SLC10A4: variants seen among roughly 807,000 people sequenced by gnomAD.
SLC10A4 encodes putative sodium/bile acid cotransporter 4.
Under a neutral mutation model 22.5 loss-of-function variants are expected in SLC10A4, and 17 were observed. The observed-to-expected ratio is 0.76, with a 90% confidence interval of 0.52 to 1.14. SLC10A4 has a LOEUF of 1.14. SLC10A4 is among the 50% of genes most tolerant of loss of function. The pLI is 0.00. For synonymous variants in SLC10A4, 257 were observed against 258.2 expected, an observed-to-expected ratio of 1.00 and a Z score of 0.04; for missense variants, 548 against 584.0, an observed-to-expected ratio of 0.94 and a Z score of 0.64.
rs1014750380 is a variant in SLC10A4, at chr4:48,486,340, T to C, written c.801+1198T>C. 5.3e-5 allele frequency among the ~76,000 whole-genome samples: 8 copies of C among 152,018 alleles called. 3 individuals are homozygous for C. The highest frequency in any genetic ancestry group is 2.4e-5 in the African/African-American group (1 of 41,522). ...TATGCATATATTAATACCTGTAATA[T>C]ATACTCATAGATACTCTTGAGATGC... On this transcript the variant is annotated intron_variant, in intron 2 of 2. Coordinates refer to ENST00000273861, the MANE Select transcript of SLC10A4 (RefSeq NM_152679.4).
intron 1 of SLC10A4, 66 bp downstream of exon 1, chr4:48,484,217 A>T: frequency 7.0e-7 from 1 of 1,438,730 alleles, no homozygotes; most frequent in Non-Finnish European, 9.3e-7. Flanking sequence ...CCGTGGGCTC[A>T]CGACGAAGGA....
chr4:48,486,865 A>G (rs1223613738), intron 2 of SLC10A4, among the ~76,000 whole-genome samples: 1 of 152,188 alleles, frequency 6.6e-6, no homozygotes, highest in African/African-American at 2.4e-5. Context: ...TTATTGCAGC[A>G]TCCTCTAGGG....
Position 48,489,307 on chromosome 4 carries a change from T to C in SLC10A4, c.*368T>C, listed in dbSNP as rs1718345090. 1 of 168,160 alleles carries C rather than the reference T, an allele frequency of 5.9e-6. No homozygotes were observed. Among genetic ancestry groups the C allele is most frequent in the Non-Finnish European group, 1.3e-5 (1 of 78,808 alleles). The allele number at this position is 168,160 out of a possible 1,614,324, so 10.4% of individuals were successfully genotyped here. ...GCTATCTTTGTAAAGCATAATTGAGTTTAATGTAATTGTTGTAAAAAAAAA... is the reference window on the plus strand; with the variant it reads ...GCTATCTTTGTAAAGCATAATTGAGCTTAATGTAATTGTTGTAAAAAAAAA... On this transcript the variant is annotated 3_prime_UTR_variant, in exon 3 of 3. Transcript: ENST00000273861.
chr4:48,484,878 C>T lies in SLC10A4; in HGVS notation c.591-54C>T, dbSNP rs773506757. On this transcript the variant is annotated intron_variant, in intron 1 of 2. Coordinates refer to ENST00000273861, the MANE Select transcript of SLC10A4 (RefSeq NM_152679.4). ...ACTCAACATACAAGAAAAAGGTTAG[C>T]TGGCTGTTTGACTCAAAGCTCGTTC... The T allele has an allele frequency of 2.1e-4, 326 of 1,536,410 alleles. 1 individual carries two copies. The highest frequency in any genetic ancestry group is 1.1e-3 in the South Asian group (95 of 84,830).
intron 1 of SLC10A4, among the ~76,000 whole-genome samples, chr4:48,484,486 A>G (rs1577767354): frequency 1.3e-5 from 2 of 152,096 alleles, no homozygotes; most frequent in Admixed American, 6.5e-5. Context: ...GAGAAGGGGG[A>G]GTCTGAACTA....
chr4:48,487,839 C>T (rs1718308533), intron 2 of SLC10A4, among the ~76,000 whole-genome samples: 1 of 107,348 alleles, frequency 9.3e-6, no homozygotes, highest in Non-Finnish European at 1.7e-5. Context: ...GAGTGTTGCT[C>T]TGTCACCCAG....
In SLC10A4 at chr4:48,486,573, A is replaced by C. The variant is rs573579080; in HGVS notation, c.801+1431A>C. ...CATAAGATTAGCTACCTTTGAATTT[A>C]AGGTTAACCTAGCCCTATTCTTTAA... is the stretch of plus-strand genomic sequence containing the variant. On this transcript the variant is annotated intron_variant, in intron 2 of 2. Transcript: ENST00000273861. 5.3e-5 allele frequency among the ~76,000 whole-genome samples: 8 copies of C among 151,236 alleles called. No individual in the cohort carries two copies. In the South Asian group the frequency reaches 1.7e-3, roughly 31 times the overall value.
In SLC10A4 at chr4:48,483,839, C is replaced by T. The variant is rs765943369; in HGVS notation, c.278C>T (p.Ala93Val). The change falls in exon 1 of 3, where the codon GCG (alanine) becomes GTG (valine). Residue 93 changes from alanine (A) to valine (V), a missense_variant. Physicochemically the swap from Ala to Val is moderately conservative, Grantham distance 64. This residue lies in a region of SLC10A4 where 225 missense variants were observed against 206.9 expected (regional missense o/e 1.09). Coordinates refer to ENST00000273861, the MANE Select transcript of SLC10A4 (RefSeq NM_152679.4). The surrounding 1 kb of genome is among the most constrained non-coding windows in gnomAD (Gnocchi z 5.4). ...TTCCCTCGGCCCTGGGCGCCCCACG[C>T]GCTCCCGTTCTGGGACACGCCGCTG... ...SPFPRPWAPHALPFWDTPLNH... is the reference protein window; with the variant it reads ...SPFPRPWAPHVLPFWDTPLNH... 4.4e-5 allele frequency: 67 copies of T among 1,536,292 alleles called. No homozygotes were observed. Among genetic ancestry groups the T allele is most frequent in the Non-Finnish European group, 5.2e-5 (60 of 1,144,204 alleles).
At chr4:48,485,515 G>T (rs1182491375) in intron 2 of SLC10A4, among the ~76,000 whole-genome samples, 1 of 152,066 alleles carries the variant, frequency 6.6e-6, no homozygotes, top group African/African-American at 2.4e-5. Flanking sequence ...TAATAGAATT[G>T]GTGCAGTATT....
intron 2 of SLC10A4, among the ~76,000 whole-genome samples, chr4:48,485,585 A>T (rs566491323): frequency 2.6e-4 from 39 of 152,378 alleles, no homozygotes; most frequent in Non-Finnish European, 4.7e-4. Context: ...ACTCTGTAGT[A>T]GGTTCCTTTA....
In SLC10A4 at chr4:48,483,661, C is replaced by G. The variant is rs914185818; in HGVS notation, c.100C>G (p.Leu34Val). 6.7e-7 allele frequency: 1 copy of G among 1,484,716 alleles called. No homozygotes were observed. Among genetic ancestry groups the G allele is most frequent in the Admixed American group, 2.3e-5 (1 of 43,854 alleles). 92.0% of individuals were successfully genotyped at this position (1,484,716 alleles called of 1,614,324 possible). The change falls in exon 1 of 3, where the codon CTC becomes GTC. Residue 34 changes from leucine to valine, a missense_variant. Coordinates refer to ENST00000273861, the MANE Select transcript of SLC10A4 (RefSeq NM_152679.4). This position sits in a 1 kb window ranked among gnomAD's most constrained non-coding sequence, Gnocchi z 5.4. ...CAGCAGCCTGGGCCCCGGCACGGAC[C>G]TCGCCCTCGCCCCTGCCTCCAGCGC... ...NASSLGPGTD[L>V]ALAPASSAGP...
rs1718348957 is a variant in SLC10A4 at position 48,489,467 on chromosome 4, T to C, written c.*528T>C. 6.6e-6 allele frequency among the ~76,000 whole-genome samples: 1 copy of C among 152,250 alleles called. No individual in the cohort carries two copies. The highest frequency in any genetic ancestry group is 2.4e-5 in the African/African-American group (1 of 41,468). The stretch of plus-strand genomic sequence containing the variant: ...GTATCAGAGAAAAGTTACATTAATG[T>C]ATTTGATTACTTGATCTGGTATCTA... On this transcript the variant is annotated 3_prime_UTR_variant, in exon 3 of 3. Transcript: ENST00000273861.
intron 1 of SLC10A4, 93 bp from the exon 2 acceptor site, chr4:48,484,839 C>G: frequency 8.2e-7 from 1 of 1,226,820 alleles, no homozygotes; most frequent in Non-Finnish European, 1.2e-6. Context: ...TTGCAGTCTC[C>G]CCGTTCCACC....
chr4:48,486,327 A>C (rs1198815586), intron 2 of SLC10A4, among the ~76,000 whole-genome samples: 1 of 151,924 alleles, frequency 6.6e-6, no homozygotes, highest in African/African-American at 2.4e-5. Context: ...TGCATATATT[A>C]ATACCTGTAA....
At chr4:48,486,357 T>A (rs1394437539) in intron 2 of SLC10A4, among the ~76,000 whole-genome samples, 1 of 151,910 alleles carries the variant, frequency 6.6e-6, no homozygotes, top group Non-Finnish European at 1.5e-5. Context: ...ATAGATACTC[T>A]TGAGATGCAT....
chr4:48,484,955 C>T lies in SLC10A4; in HGVS notation c.614C>T (p.Thr205Met), dbSNP rs1560480193. The T allele has an allele frequency of 2.5e-6, 4 of 1,613,738 alleles. No homozygotes were observed. Among genetic ancestry groups the T allele is most frequent in the African/African-American group, 1.3e-5 (1 of 75,016 alleles). Reference protein sequence around the residue: ...NLSIIMTISSTLLALVLMPLC... With the variant: ...NLSIIMTISSMLLALVLMPLC... ...AGCATCATCATGACCATCTCCTCCA[C>T]GCTTCTGGCCCTCGTCTTGATGCCC... Residue 205 changes from threonine to methionine, a missense_variant, in exon 2 of 3, where the codon ACG (threonine) becomes ATG (methionine). Physicochemically the swap from Thr to Met is moderately conservative, Grantham distance 81. Around this residue, in one of 3 missense-constraint regions of SLC10A4, gnomAD observed 314 missense variants for 353.2 expected, o/e 0.89. Transcript: ENST00000273861.
At position 48,484,947 on chromosome 4, in the gene SLC10A4, C is replaced by A; in HGVS notation, c.606C>A (p.Ile202=). 1 of 1,613,546 alleles carries A rather than the reference C, an allele frequency of 6.2e-7. No individual in the cohort carries two copies. Among genetic ancestry groups the A allele is most frequent in the Non-Finnish European group, 8.5e-7 (1 of 1,179,686 alleles). ...TTTTCTGCAGCATCATCATGACCAT[C>A]TCCTCCACGCTTCTGGCCCTCGTCT... ...GDMNLSIIMT[I]SSTLLALVLM... The change falls in exon 2 of 3, where the codon ATC becomes ATA. Residue 202 remains isoleucine (I), a synonymous_variant. Coordinates refer to ENST00000273861, the MANE Select transcript of SLC10A4 (RefSeq NM_152679.4).
At chr4:48,487,146 T>G (rs1219935654) in intron 2 of SLC10A4, among the ~76,000 whole-genome samples, 5 of 152,214 alleles carry the variant, frequency 3.3e-5, no homozygotes, top group African/African-American at 9.7e-5. Context: ...ATGAGTGAAA[T>G]GTACCAGTCA....
rs1669518234 is a variant in SLC10A4, at chr4:48,483,964, CGGCCCGT to C, written c.406_412del (p.Pro136AlafsTer57). 1 of 1,548,644 alleles carries C rather than the reference CGGCCCGT, an allele frequency of 6.5e-7. No homozygotes were observed. The highest frequency in any genetic ancestry group is 8.7e-7 in the Non-Finnish European group (1 of 1,148,942). On this transcript the variant is annotated frameshift_variant, in exon 1 of 3. Coordinates refer to ENST00000273861, the MANE Select transcript of SLC10A4 (RefSeq NM_152679.4). LOFTEE classifies it high-confidence loss of function. This position sits in a 1 kb window ranked among gnomAD's most constrained non-coding sequence, Gnocchi z 5.4. ...GAACCACTTCGGGGCGCACGTCCGT[CGGCCCGT>C]GGGCGCGCTGCTGGCAGCGCTCTGC...
Sources: allele counts gnomAD v4.1 joint callset (sites outside exome capture counted in the v4.1 genomes callset), GRCh38; gene constraint gnomAD v4.1.1; regional missense constraint gnomAD v4.1.1; non-coding constraint Gnocchi (gnomAD v3.1); transcripts MANE v1.5; gene names NCBI Gene and HGNC (gene_info 2026-07-23, HGNC 2026-07-21).